The following COL11A2 variants were observed in gnomAD, a reference collection of about 807,000 sequenced individuals.
COL11A2 encodes collagen alpha-2(XI) chain.
A neutral mutation model predicts 273.4 loss-of-function variants in COL11A2; 116 were observed. That is an observed-to-expected ratio of 0.42 (90% CI 0.36 to 0.49). COL11A2 has a LOEUF of 0.49. COL11A2 is among the 20% of genes least tolerant of loss of function. The pLI is 0.00. For synonymous variants in COL11A2, 782 were observed against 864.2 expected, an observed-to-expected ratio of 0.90 and a Z score of 1.67; for missense variants, 1,866 against 2,309.0, an observed-to-expected ratio of 0.81 and a Z score of 3.93.
Position 33,170,287 on chromosome 6 carries a change from A to C in COL11A2, c.3582+39T>G. 6.2e-7 allele frequency: 1 copy of C among 1,606,098 alleles called. No homozygotes were observed. The highest frequency in any genetic ancestry group is 2.2e-5 in the East Asian group (1 of 44,750). ...CTGGGAAAGGGAGGCAGAAGACCAG[A>C]CACATTGGTCTCAAGGGACAGGGGC... On this transcript the variant is annotated intron_variant, in intron 48 of 65. Transcript: ENST00000341947. This position sits in a 1 kb window ranked among gnomAD's most constrained non-coding sequence, Gnocchi z 4.3.
chr6:33,181,154 C>G lies in COL11A2; in HGVS notation c.1136G>C (p.Arg379Pro), dbSNP rs150429851. 2 of 1,614,212 alleles carry G rather than the reference C, an allele frequency of 1.2e-6. No individual in the cohort carries two copies. The highest frequency in any genetic ancestry group is 4.5e-5 in the East Asian group (2 of 44,888). ...CTCTCCTTTCTCTCCCTTCAGCCCT[C>G]GGGGTCCATGGGCAGCCTGAAGGAG... The part of the protein sequence containing the change: ...AHSGAAAHGP[R>P]GLKGEKGEPA... The change falls in exon 9 of 66, where the codon CGA (arginine) becomes CCA (proline). Residue 379 changes from arginine to proline, a missense_variant. By Grantham distance (103) the Arg-to-Pro change is moderately radical. Transcript: ENST00000341947.
upstream of COL11A2, among the ~76,000 whole-genome samples, chr6:33,192,897 C>A (rs2150641361): frequency 6.6e-6 from 1 of 152,138 alleles, no homozygotes; most frequent in African/African-American, 2.4e-5. Context: ...CACCCCGCCC[C>A]GTGTAATTAC....
chr6:33,164,190 G>A lies in COL11A2; in HGVS notation c.5070+77C>T. 1 of 1,535,338 alleles carries A rather than the reference G, an allele frequency of 6.5e-7. No individual in the cohort carries two copies. Among genetic ancestry groups the A allele is most frequent in the Non-Finnish European group, 8.9e-7 (1 of 1,125,300 alleles). On this transcript the variant is annotated intron_variant, in intron 65 of 65. Transcript: ENST00000341947. This position sits in a 1 kb window ranked among gnomAD's most constrained non-coding sequence, Gnocchi z 4.7. ...CCTCCCTGCTCCCCCTGGGTGCCCTGCCCAAGGGGTCTTCCCACCTCCTTC... is the reference window on the plus strand; with the variant it reads ...CCTCCCTGCTCCCCCTGGGTGCCCTACCCAAGGGGTCTTCCCACCTCCTTC...
chr6:33,177,490 G>T lies in COL11A2; in HGVS notation c.1918-25C>A. The T allele has an allele frequency of 6.2e-7, 1 of 1,612,106 alleles. No individual in the cohort carries two copies. The highest frequency in any genetic ancestry group is 8.5e-7 in the Non-Finnish European group (1 of 1,179,346). On this transcript the variant is annotated intron_variant, in intron 22 of 65. Transcript: ENST00000341947. The surrounding 1 kb of genome is among the most constrained non-coding windows in gnomAD (Gnocchi z 5.9). ...CCTAGAAACAGGTGACCAGGCACAG[G>T]TCAGAAGGAGATGGAGATAGAACAC...
chr6:33,173,018 T>C lies in COL11A2; in HGVS notation c.2790+42A>G, dbSNP rs2150553876. The C allele has an allele frequency of 6.3e-7, 1 of 1,597,440 alleles. No individual in the cohort carries two copies. ...GAGAGAAGAGGGGCAGACAGACTAATGCTAGGGTCAGGGGTCCATTCTCTC... is the reference window on the plus strand; with the variant it reads ...GAGAGAAGAGGGGCAGACAGACTAACGCTAGGGTCAGGGGTCCATTCTCTC... On this transcript the variant is annotated intron_variant, in intron 38 of 65. Transcript: ENST00000341947. The surrounding 1 kb of genome is among the most constrained non-coding windows in gnomAD (Gnocchi z 6.3).
chr6:33,170,229 C>T lies in COL11A2; in HGVS notation c.3582+97G>A. 2 of 1,574,094 alleles carry T rather than the reference C, an allele frequency of 1.3e-6. No homozygotes were observed. ...AGGCCTCCCGGGAGTAAGGGCTTCT[C>T]TTGGCCCCTGAGACGATACTAGAGT... On this transcript the variant is annotated intron_variant, in intron 48 of 65. Transcript: ENST00000341947. The surrounding 1 kb of genome is among the most constrained non-coding windows in gnomAD (Gnocchi z 4.3).
Position 33,176,686 on chromosome 6 carries a change from A to G in COL11A2, c.2115+35T>C. On this transcript the variant is annotated intron_variant, in intron 26 of 65. Coordinates refer to ENST00000341947, the MANE Select transcript of COL11A2 (RefSeq NM_080680.3). The surrounding 1 kb of genome is among the most constrained non-coding windows in gnomAD (Gnocchi z 4.9). ...TTGAGGCTCTAGAGTCTGAGTGGAG[A>G]CTCCCTCAGGGGATAAAGACATGGA... 6.3e-7 allele frequency: 1 copy of G among 1,596,830 alleles called. No homozygotes were observed. The highest frequency in any genetic ancestry group is 8.6e-7 in the Non-Finnish European group (1 of 1,166,668).
Position 33,168,957 on chromosome 6 carries a change from G to T in COL11A2, c.3850C>A (p.Arg1284=). The T allele has an allele frequency of 6.9e-7, 1 of 1,448,806 alleles. No homozygotes were observed. Among genetic ancestry groups the T allele is most frequent in the Non-Finnish European group, 9.2e-7 (1 of 1,089,664 alleles). The allele number at this position is 1,448,806 out of a possible 1,614,324, so 89.7% of individuals were successfully genotyped here. A position where few individuals can be genotyped will look rare whatever the true frequency, so the allele number is the denominator to read the frequency against. Residue 1284 remains arginine, a splice_region_variant and synonymous_variant, in exon 52 of 66, where the codon CGG becomes AGG. Transcript: ENST00000341947. ...DPGPPGEGGP[R]GQDGAKGDRG... is the part of the protein sequence containing the mutation. ...TCCCTTCTCTGAGTAAGACTCACCC[G>T]AGGGCCACCTTCTCCAGGGGGGCCA...
Position 33,167,954 on chromosome 6 carries a change from C to T in COL11A2, c.3961-102G>A. 1 of 1,214,102 alleles carries T rather than the reference C, an allele frequency of 8.2e-7. No individual in the cohort carries two copies. Among genetic ancestry groups the T allele is most frequent in the Non-Finnish European group, 1.2e-6 (1 of 831,800 alleles). 75.2% of individuals were successfully genotyped at this position (1,214,102 alleles called of 1,614,324 possible). A position where few individuals can be genotyped will look rare whatever the true frequency, so the allele number is the denominator to read the frequency against. ...ACACACACATACACATGCACACACA[C>T]ACGTGCATACACAGGGACACGCGCC... On this transcript the variant is annotated intron_variant, in intron 54 of 65. Transcript: ENST00000341947. The surrounding 1 kb of genome is among the most constrained non-coding windows in gnomAD (Gnocchi z 6.1).
Position 33,176,768 on chromosome 6 carries a change from G to C in COL11A2, c.2071-3C>G, listed in dbSNP as rs1770965376. On this transcript the variant is annotated splice_polypyrimidine_tract_variant and splice_region_variant and intron_variant, in intron 25 of 65. Transcript: ENST00000341947. The surrounding 1 kb of genome is among the most constrained non-coding windows in gnomAD (Gnocchi z 4.9). Reference sequence around the variant, plus strand: ...GGACCTTCCTTCCCTGGGTGACCCTGGGAGTAAGGGATAGAAAATGTGACC... The same window carrying C: ...GGACCTTCCTTCCCTGGGTGACCCTCGGAGTAAGGGATAGAAAATGTGACC... 6.2e-7 allele frequency: 1 copy of C among 1,612,572 alleles called. No individual in the cohort carries two copies. The highest frequency in any genetic ancestry group is 2.2e-5 in the East Asian group (1 of 44,884).
Position 33,184,296 on chromosome 6 carries a change from G to C in COL11A2, c.968C>G (p.Thr323Arg). 2.2e-6 allele frequency: 3 copies of C among 1,367,640 alleles called. No homozygotes were observed. The highest frequency in any genetic ancestry group is 2.9e-6 in the Non-Finnish European group (3 of 1,021,958). 84.7% of individuals were successfully genotyped at this position (1,367,640 alleles called of 1,614,324 possible). A position where few individuals can be genotyped will look rare whatever the true frequency, so the allele number is the denominator to read the frequency against. The change falls in exon 8 of 66, where the codon ACA becomes AGA. Residue 323 changes from threonine to arginine, a missense_variant. By Grantham distance (71) the Thr-to-Arg change is moderately conservative (BLOSUM62 -1). Coordinates refer to ENST00000341947, the MANE Select transcript of COL11A2 (RefSeq NM_080680.3). ...EEQTDLQVPP[T>R]ADRFQAEEYG... ...TTCCTCTGCCTGGAACCTGTCGGCT[G>C]TGGGGGGGACCTGGAGATCTGTCTG...
At position 33,178,974 on chromosome 6, in the gene COL11A2, C is replaced by A; in HGVS notation, c.1612-1G>T. The A allele has an allele frequency of 6.2e-7, 1 of 1,614,150 alleles. No homozygotes were observed. The highest frequency in any genetic ancestry group is 8.5e-7 in the Non-Finnish European group (1 of 1,180,012). On this transcript the variant is annotated splice_acceptor_variant, in intron 16 of 65. Coordinates refer to ENST00000341947, the MANE Select transcript of COL11A2 (RefSeq NM_080680.3). LOFTEE classifies it high-confidence loss of function. The surrounding 1 kb of genome is among the most constrained non-coding windows in gnomAD (Gnocchi z 4.6). ...GGGCTCCATCAGCACCTGCCCGGCC[C>A]TGGGAGAACAAGGGAAGTGTCAGAA...
chr6:33,164,549 A>G lies in COL11A2; in HGVS notation c.4864-76T>C. ...TCAGAGGGAGACAGAGACGGGCCTC[A>G]GGAGCATCTACGGCACCAGGACAGC... is the stretch of plus-strand genomic sequence containing the variant. On this transcript the variant is annotated intron_variant, in intron 64 of 65. Transcript: ENST00000341947. The surrounding 1 kb of genome is among the most constrained non-coding windows in gnomAD (Gnocchi z 4.7). The G allele has an allele frequency of 1.6e-6, 2 of 1,259,500 alleles. No individual in the cohort carries two copies. The highest frequency in any genetic ancestry group is 2.2e-6 in the Non-Finnish European group (2 of 918,734). 78.0% of individuals were successfully genotyped at this position (1,259,500 alleles called of 1,614,324 possible).
chr6:33,168,000 G>A lies in COL11A2; in HGVS notation c.3961-148C>T. The A allele has an allele frequency of 1.2e-6, 1 of 825,328 alleles. No individual in the cohort carries two copies. The highest frequency in any genetic ancestry group is 2.0e-6 in the Non-Finnish European group (1 of 495,332). The allele number at this position is 825,328 out of a possible 1,614,324, so 51.1% of individuals were successfully genotyped here. On this transcript the variant is annotated intron_variant, in intron 54 of 65. Coordinates refer to ENST00000341947, the MANE Select transcript of COL11A2 (RefSeq NM_080680.3). The surrounding 1 kb of genome is among the most constrained non-coding windows in gnomAD (Gnocchi z 6.1). ...GCGCCGAGGGCCGATTCACAGATGT[G>A]CAGAACAGATACAGCTGTGACAGTT... is the stretch of plus-strand genomic sequence containing the variant.
In COL11A2 at chr6:33,165,649, C is replaced by T; in HGVS notation, c.4650G>A (p.Leu1550=). 6.2e-7 allele frequency: 1 copy of T among 1,612,682 alleles called. No individual in the cohort carries two copies. Among genetic ancestry groups the T allele is most frequent in the Non-Finnish European group, 8.5e-7 (1 of 1,179,984 alleles). The change falls in exon 63 of 66, where the codon CTG becomes CTA. Residue 1550 remains leucine, a synonymous_variant. Transcript: ENST00000341947. This position sits in a 1 kb window ranked among gnomAD's most constrained non-coding sequence, Gnocchi z 7.7. The part of the protein sequence containing the change: ...LEEIFGSLDS[L]REEIEQMRRP... ...GCCTCATCTGCTCGATCTCCTCCCG[C>T]AGGGAGTCGAGTGAGCCAAAGATCT...
At chr6:33,182,580 A>T (rs1033790062) in intron 8 of COL11A2, among the ~76,000 whole-genome samples, 2 of 151,956 alleles carry the variant, frequency 1.3e-5, no homozygotes, top group Admixed American at 1.3e-4. Flanking sequence ...GCGCAGTGGC[A>T]CATGCCTGTA....
In COL11A2 at chr6:33,169,959, CTCTTT is replaced by C; in HGVS notation, c.3637-80_3637-76del. The C allele has an allele frequency of 2.5e-6, 4 of 1,612,858 alleles. No individual in the cohort carries two copies. Among genetic ancestry groups the C allele is most frequent in the Non-Finnish European group, 3.4e-6 (4 of 1,178,908 alleles). On this transcript the variant is annotated intron_variant, in intron 49 of 65. Transcript: ENST00000341947. The surrounding 1 kb of genome is among the most constrained non-coding windows in gnomAD (Gnocchi z 5.5). ...ATTCTGATATTCCCCACATCTCATT[CTCTTT>C]TGTCTCCCCACCCAAAATTGGCAGA...
chr6:33,185,491 C>T (rs953385597), intron 6 of COL11A2, among the ~76,000 whole-genome samples: 1 of 151,170 alleles, frequency 6.6e-6, no homozygotes, highest in Non-Finnish European at 1.5e-5. Context: ...GGGTCCGATG[C>T]CCCCTAGGGG....
Position 33,165,832 on chromosome 6 carries a change from G to T in COL11A2, c.4483-16C>A. The T allele has an allele frequency of 6.2e-7, 1 of 1,613,636 alleles. No homozygotes were observed. The highest frequency in any genetic ancestry group is 1.6e-4 in the Middle Eastern group (1 of 6,062). ...CTGGGGGACCCTGGGTGCAGGGACA[G>T]ATGGAGAGGGCAAGAGACAAGGTTG... is the stretch of plus-strand genomic sequence containing the variant. On this transcript the variant is annotated splice_polypyrimidine_tract_variant and intron_variant, in intron 62 of 65. Transcript: ENST00000341947. The surrounding 1 kb of genome is among the most constrained non-coding windows in gnomAD (Gnocchi z 7.7).
Sources: gnomAD v4.1 joint callset for allele counts (sites outside exome capture counted in the v4.1 genomes callset) on GRCh38, gnomAD v4.1.1 for gene constraint, Gnocchi (gnomAD v3.1) non-coding constraint, MANE v1.5 for transcripts, NCBI Gene and HGNC (gene_info 2026-07-23, HGNC 2026-07-21) for gene names.